PHYHIPL: variants seen among roughly 807,000 people sequenced by gnomAD.
PHYHIPL encodes phytanoyl-CoA hydroxylase-interacting protein-like.
In PHYHIPL, 9 loss-of-function variants were observed where a neutral mutation model predicts 33.4. That is an observed-to-expected ratio of 0.27 (90% CI 0.16 to 0.47). The LOEUF (loss-of-function observed/expected upper bound fraction) is 0.47, where lower values mean the gene tolerates loss of function less well. PHYHIPL is among the 20% of genes least tolerant of loss of function. The pLI is 0.99. For missense variants in PHYHIPL, 365 were observed against 460.7 expected, an observed-to-expected ratio of 0.79 and a Z score of 1.90; for synonymous variants, 153 against 154.1, an observed-to-expected ratio of 0.99 and a Z score of 0.05.
At position 59,197,942 on chromosome 10, in the gene PHYHIPL, G is replaced by A. The variant is rs1838966058; in HGVS notation, c.106+20983G>A. 2.0e-5 allele frequency among the ~76,000 whole-genome samples: 3 copies of A among 152,112 alleles called. 1 individual carries two copies. The South Asian group carries it at 6.2e-4, about 32-fold the overall frequency. ...GCCAGCTACTCAGGGTTGTGCTTGA[G>A]GCTTGATTTGCATTTATGTCCTCTT... On this transcript the variant is annotated intron_variant, in intron 1 of 4. Coordinates refer to ENST00000373880, the MANE Select transcript of PHYHIPL (RefSeq NM_032439.4).
chr10:59,206,777 A>G, intron 1 of PHYHIPL: 1 of 1,234,674 alleles, frequency 8.1e-7, no homozygotes, highest in Non-Finnish European at 1.0e-6. Context: ...ACTTACATCC[A>G]AACAGACAAG....
intron 1 of PHYHIPL, among the ~76,000 whole-genome samples, chr10:59,212,455 A>G (rs1839483456): frequency 6.6e-6 from 1 of 152,208 alleles, no homozygotes; most frequent in Non-Finnish European, 1.5e-5. Context: ...CACTTGTGTA[A>G]CAAGTAGCCC....
rs71006239 is a variant in PHYHIPL, at chr10:59,244,562, C to CAAAAAAA, written c.597-477_597-471dup. Among the ~76,000 whole-genome samples, 136 of 39,550 alleles carry CAAAAAAA rather than the reference C, an allele frequency of 3.4e-3. 33 individuals are homozygous for CAAAAAAA. The highest frequency in any genetic ancestry group is 0.023 in the East Asian group (22 of 968). 25.9% of individuals were successfully genotyped at this position (39,550 alleles called of 152,430 possible). On this transcript the variant is annotated intron_variant, in intron 4 of 4. Transcript: ENST00000373880. ...CTGGCAACAGAGTGAGACTCTGTCT[C>CAAAAAAA]AAAAAAAAAAAAAAAAAAAAAAAAG...
chr10:59,183,711 G>A (rs1052351246), intron 1 of PHYHIPL: 4 of 981,210 alleles, frequency 4.1e-6, no homozygotes, highest in South Asian at 4.7e-5. Flanking sequence ...TGGAATTGTC[G>A]TTAGTTTTGT....
rs1840753782 is a variant in PHYHIPL at position 59,246,875 on chromosome 10, T to TA, written c.*1285dup. On this transcript the variant is annotated 3_prime_UTR_variant, in exon 5 of 5. Transcript: ENST00000373880. The stretch of plus-strand genomic sequence containing the variant: ...ACTACAGACACATATCTATCCAAAA[T>TA]ACCTATTTTAAATTTTTAATACAAT... 2.8e-6 allele frequency: 1 copy of TA among 361,320 alleles called. No individual in the cohort carries two copies. The highest frequency in any genetic ancestry group is 4.6e-5 in the Admixed American group (1 of 21,920). The allele number at this position is 361,320 out of a possible 1,614,324, so 22.4% of individuals were successfully genotyped here.
intron 1 of PHYHIPL, among the ~76,000 whole-genome samples, chr10:59,193,496 CTG>C (rs1838833821): frequency 6.6e-6 from 1 of 152,140 alleles, no homozygotes; most frequent in South Asian, 2.1e-4. Flanking sequence ...TTCAGCAAAT[CTG>C]TGTCTAAGGC....
chr10:59,174,008 C>T (rs946105512), upstream of PHYHIPL, among the ~76,000 whole-genome samples: 1 of 119,414 alleles, frequency 8.4e-6, no homozygotes, highest in Admixed American at 1.2e-4. Context: ...TACATAGAAA[C>T]TTACAGCACT....
intron 1 of PHYHIPL, among the ~76,000 whole-genome samples, chr10:59,179,022 T>A (rs1226835523): frequency 6.6e-6 from 1 of 152,172 alleles, no homozygotes; most frequent in Non-Finnish European, 1.5e-5. Flanking sequence ...ACTCTTCTAC[T>A]AGAAGATGTA....
At chr10:59,179,071 T>C (rs1312867193) in intron 1 of PHYHIPL, among the ~76,000 whole-genome samples, 1 of 152,196 alleles carries the variant, frequency 6.6e-6, no homozygotes. Flanking sequence ...TGTTGTTAAA[T>C]GCTTAACTTA....
intron 2 of PHYHIPL, among the ~76,000 whole-genome samples, chr10:59,236,179 T>C (rs1840225210): frequency 6.6e-6 from 1 of 151,980 alleles, no homozygotes; most frequent in Admixed American, 6.6e-5. Flanking sequence ...AGTTGGGCCT[T>C]AGTTTTTGCA....
At chr10:59,185,809 G>T (rs1191686628) in intron 1 of PHYHIPL, among the ~76,000 whole-genome samples, 11 of 152,144 alleles carry the variant, frequency 7.2e-5, no homozygotes, top group South Asian at 4.1e-4. Context: ...TTTTGATGGG[G>T]TTGTTTGTTT....
chr10:59,247,661 G>C lies in PHYHIPL; in HGVS notation c.*2070G>C. 1 of 1,613,416 alleles carries C rather than the reference G, an allele frequency of 6.2e-7. No individual in the cohort carries two copies. The highest frequency in any genetic ancestry group is 8.5e-7 in the Non-Finnish European group (1 of 1,179,640). On this transcript the variant is annotated 3_prime_UTR_variant, in exon 5 of 5. Coordinates refer to ENST00000373880, the MANE Select transcript of PHYHIPL (RefSeq NM_032439.4). ...TGCTTGCTGATGAGGACCTCTAATAGTCTCAGTTTGGCTTTTATGTGCTTA... is the reference window on the plus strand; with the variant it reads ...TGCTTGCTGATGAGGACCTCTAATACTCTCAGTTTGGCTTTTATGTGCTTA...
intron 1 of PHYHIPL, among the ~76,000 whole-genome samples, chr10:59,197,591 C>CT (rs1564704577): frequency 1.3e-5 from 2 of 152,006 alleles, no homozygotes; most frequent in African/African-American, 2.4e-5. Context: ...ATGTCTGTAC[C>CT]TTTGTGCCAG....
Position 59,245,489 on chromosome 10 carries a change from C to A in PHYHIPL, c.1029C>A (p.Gly343=). 1 of 1,614,132 alleles carries A rather than the reference C, an allele frequency of 6.2e-7. No individual in the cohort carries two copies. The highest frequency in any genetic ancestry group is 1.1e-5 in the South Asian group (1 of 91,078). The change falls in exon 5 of 5, where the codon GGC becomes GGA. Residue 343 remains glycine, a synonymous_variant. Transcript: ENST00000373880. The part of the protein sequence containing the change: ...IYTDPVDLSV[G]TVAEITGHQL... ...CTGACCCTGTGGATCTTTCTGTGGG[C>A]ACCGTGGCAGAAATCACTGGTCATC...
chr10:59,198,197 T>TC, intron 1 of PHYHIPL, among the ~76,000 whole-genome samples: 1 of 150,726 alleles, frequency 6.6e-6, no homozygotes. Flanking sequence ...ATGCTATCCC[T>TC]CCCCCCTACC....
At chr10:59,209,491 C>A (rs1287079475) in intron 1 of PHYHIPL, among the ~76,000 whole-genome samples, 1 of 152,180 alleles carries the variant, frequency 6.6e-6, no homozygotes, top group Non-Finnish European at 1.5e-5. Context: ...ATTGTAAAGA[C>A]CATCGATGCT....
In PHYHIPL at chr10:59,234,357, C is replaced by T; in HGVS notation, c.160C>T (p.His54Tyr). 6.3e-7 allele frequency: 1 copy of T among 1,598,032 alleles called. No homozygotes were observed. Residue 54 changes from histidine to tyrosine, a missense_variant, in exon 2 of 5, where the codon CAT (histidine) becomes TAT (tyrosine). By Grantham distance (83) the His-to-Tyr change is moderately conservative. Coordinates refer to ENST00000373880, the MANE Select transcript of PHYHIPL (RefSeq NM_032439.4). ...AGAGATGGAAGAACTTCCTGTACCA[C>T]ATAACATCAAAATAAGCAATATAAC... is the stretch of plus-strand genomic sequence containing the variant. ...IAEMEELPVP[H>Y]NIKISNITCD... is the part of the protein sequence containing the mutation.
At chr10:59,226,436 T>G (rs1188677305) in intron 1 of PHYHIPL, among the ~76,000 whole-genome samples, 2 of 152,136 alleles carry the variant, frequency 1.3e-5, no homozygotes, top group Non-Finnish European at 2.9e-5. Flanking sequence ...AAGGCCCCAG[T>G]GTTTAATTTC....
chr10:59,190,941 A>G (rs1838766832), intron 1 of PHYHIPL, among the ~76,000 whole-genome samples: 2 of 152,042 alleles, frequency 1.3e-5, no homozygotes, highest in Non-Finnish European at 2.9e-5. Context: ...TTTTTTAAAT[A>G]TCTAAATATC....
Sources: gnomAD v4.1 joint callset for allele counts (sites outside exome capture counted in the v4.1 genomes callset) on GRCh38, gnomAD v4.1.1 for gene constraint, MANE v1.5 for transcripts, NCBI Gene and HGNC (gene_info 2026-07-23, HGNC 2026-07-21) for gene names.